Variants in ATP8A2 observed in about 807,000 individuals in gnomAD.
ATP8A2 encodes phospholipid-transporting ATPase IB.
A neutral mutation model predicts 165.6 loss-of-function variants in ATP8A2; 100 were observed. That is an observed-to-expected ratio of 0.60 (90% confidence interval 0.51 to 0.71). The LOEUF is 0.71. ATP8A2 is among the 30% of genes least tolerant of loss of function. ATP8A2 has a pLI of 0.00. For missense variants in ATP8A2, 1,227 were observed against 1,479.5 expected (o/e 0.83, Z 2.80); for synonymous variants, 543 against 548.8 (o/e 0.99, Z 0.15).
intron 7 of ATP8A2, among the ~76,000 whole-genome samples, chr13:25,538,906 T>A (rs1173076472): frequency 6.6e-6 from 1 of 152,080 alleles, no homozygotes; most frequent in Non-Finnish European, 1.5e-5. Flanking sequence ...ACTCCAGGCC[T>A]GTGGAGGGGG....
Position 26,012,565 on chromosome 13 carries a change from G to A in ATP8A2, c.3412G>A (p.Gly1138Ser), listed in dbSNP as rs779999477. 24 of 1,534,084 alleles carry A rather than the reference G, an allele frequency of 1.6e-5. No individual in the cohort carries two copies. In the South Asian group the frequency reaches 3.0e-4, roughly 19 times the overall value. ...GCGCGACCGCCTGATCAAGAGGCTGGGCCGGAAGACGCCCCCGACGCTGTT... is the reference window on the plus strand; with the variant it reads ...GCGCGACCGCCTGATCAAGAGGCTGAGCCGGAAGACGCCCCCGACGCTGTT... ...NERDRLIKRL[G>S]RKTPPTLFRG... The change falls in exon 36 of 37, where the codon GGC (glycine) becomes AGC (serine). Residue 1138 changes from glycine (G) to serine (S), a missense_variant. Around this residue, in one of 5 missense-constraint regions of ATP8A2, gnomAD observed 260 missense variants for 245.1 expected, o/e 1.06. Transcript: ENST00000381655.
intron 33 of ATP8A2, among the ~76,000 whole-genome samples, chr13:25,887,678 G>A (rs1953202203): frequency 6.6e-6 from 1 of 152,204 alleles, no homozygotes; most frequent in East Asian, 1.9e-4. Context: ...GACAAGAGAG[G>A]AAAGGAAGAC....
At chr13:25,423,062 G>A (rs539439573) in intron 1 of ATP8A2, among the ~76,000 whole-genome samples, 2 of 152,146 alleles carry the variant, frequency 1.3e-5, no homozygotes, top group Non-Finnish European at 2.9e-5. Context: ...ACTTTCACGT[G>A]TCTTCTTTCA....
chr13:25,912,770 A>G (rs373640265), intron 33 of ATP8A2, among the ~76,000 whole-genome samples: 2 of 152,152 alleles, frequency 1.3e-5, no homozygotes, highest in East Asian at 1.9e-4. Context: ...TGTAATTCCA[A>G]TCAAGGTTAA....
intron 25 of ATP8A2, among the ~76,000 whole-genome samples, chr13:25,722,130 T>C (rs2043395111): frequency 6.6e-6 from 1 of 152,236 alleles, no homozygotes; most frequent in Non-Finnish European, 1.5e-5. Context: ...TTTGATATTA[T>C]GTGATGTCAT....
At chr13:25,807,048 G>A (rs1950756248) in intron 27 of ATP8A2, among the ~76,000 whole-genome samples, 1 of 151,654 alleles carries the variant, frequency 6.6e-6, no homozygotes. Context: ...TGGACTATAA[G>A]TGTTCTTTAT....
chr13:25,413,969 A>T (rs2034055294), intron 1 of ATP8A2, among the ~76,000 whole-genome samples: 1 of 152,000 alleles, frequency 6.6e-6, no homozygotes, highest in South Asian at 2.1e-4. Context: ...TCATGAGGGC[A>T]GCGGAGTGAG....
intron 25 of ATP8A2, among the ~76,000 whole-genome samples, chr13:25,707,268 G>T (rs547080562): frequency 6.6e-6 from 1 of 152,104 alleles, no homozygotes; most frequent in Non-Finnish European, 1.5e-5. Context: ...TTTGATGATA[G>T]CACATTTAGA....
At chr13:25,547,199 C>T (rs967980045) in intron 10 of ATP8A2, among the ~76,000 whole-genome samples, 1 of 151,654 alleles carries the variant, frequency 6.6e-6, no homozygotes, top group African/African-American at 2.4e-5. Context: ...AGCAGTCAAA[C>T]TCCAGAGTCA....
At chr13:25,551,816 C>A (rs1353347531) in intron 11 of ATP8A2, among the ~76,000 whole-genome samples, 1 of 152,082 alleles carries the variant, frequency 6.6e-6, no homozygotes, top group Non-Finnish European at 1.5e-5. Flanking sequence ...ACTAACAATT[C>A]TAGTCAAACA....
chr13:25,415,925 C>T (rs943744059), intron 1 of ATP8A2, among the ~76,000 whole-genome samples: 2 of 152,122 alleles, frequency 1.3e-5, no homozygotes, highest in Non-Finnish European at 2.9e-5. Flanking sequence ...AACTCCTGGG[C>T]TCAAGGGATC....
chr13:25,790,923 A>C (rs893997475), intron 27 of ATP8A2, among the ~76,000 whole-genome samples: 9 of 152,152 alleles, frequency 5.9e-5, no homozygotes, highest in African/African-American at 2.2e-4. Context: ...ATGCTTATAC[A>C]CTGTTGGTGG....
At chr13:25,923,368 A>G (rs563072482) in intron 33 of ATP8A2, among the ~76,000 whole-genome samples, 10 of 152,338 alleles carry the variant, frequency 6.6e-5, no homozygotes, top group Admixed American at 3.9e-4. Context: ...TGGGACAGAA[A>G]GGGTAAGCTG....
intron 33 of ATP8A2, among the ~76,000 whole-genome samples, chr13:25,878,220 G>A (rs771063662): frequency 6.6e-6 from 1 of 152,158 alleles, no homozygotes; most frequent in Non-Finnish European, 1.5e-5. Flanking sequence ...CTCAGTCACC[G>A]CCAGTTAGGC....
At chr13:25,762,948 G>A (rs1376374955) in intron 25 of ATP8A2, among the ~76,000 whole-genome samples, 1 of 152,174 alleles carries the variant, frequency 6.6e-6, no homozygotes, top group Non-Finnish European at 1.5e-5. Context: ...GGGAAAGAAT[G>A]TTAACTCAAG....
At chr13:25,426,239 A>G (rs562263662) in intron 1 of ATP8A2, among the ~76,000 whole-genome samples, 1 of 152,320 alleles carries the variant, frequency 6.6e-6, no homozygotes, top group South Asian at 2.1e-4. Context: ...GCTTCTGGTG[A>G]GGCCTCAGGG....
Position 26,025,817 on chromosome 13 carries a change from C to T in ATP8A2, c.*5832C>T, listed in dbSNP as rs187130126. 1.4e-4 allele frequency: 21 copies of T among 152,330 alleles called. No individual in the cohort carries two copies. The highest frequency in any genetic ancestry group is 4.3e-4 in the African/African-American group (18 of 41,576). The allele number at this position is 152,330 out of a possible 1,614,324, so 9.4% of individuals were successfully genotyped here. ...TCCTGTTGACTGGTGTATGTCTGCG[C>T]AAACCTGTTTCAAATAAATCTTTTG... On this transcript the variant is annotated 3_prime_UTR_variant, in exon 37 of 37. Transcript: ENST00000381655.
At chr13:25,445,256 A>C (rs2035038583) in intron 1 of ATP8A2, among the ~76,000 whole-genome samples, 1 of 152,254 alleles carries the variant, frequency 6.6e-6, no homozygotes, top group Admixed American at 6.5e-5. Context: ...AGGTATTAAT[A>C]CAGTTAGCTC....
intron 24 of ATP8A2, among the ~76,000 whole-genome samples, chr13:25,669,995 A>G (rs1251373994): frequency 2.6e-5 from 4 of 152,274 alleles, no homozygotes; most frequent in Admixed American, 6.5e-5. Context: ...CACCATCCCC[A>G]TGGCTGCCCT....
Sources: gnomAD v4.1 joint callset for allele counts (sites outside exome capture counted in the v4.1 genomes callset) on GRCh38, gnomAD v4.1.1 for gene constraint, gnomAD v4.1.1 regional missense constraint, MANE v1.5 for transcripts, NCBI Gene and HGNC (gene_info 2026-07-23, HGNC 2026-07-21) for gene names.